Variants in INAVA observed in about 807,000 individuals in gnomAD.
INAVA encodes the protein innate immunity activator protein.
Under a neutral mutation model 55.3 loss-of-function variants are expected in INAVA, and 32 were observed. That is an observed-to-expected ratio of 0.58 (90% CI 0.44 to 0.78). The LOEUF is 0.78. Ranked by LOEUF, INAVA falls within the 30% of genes least tolerant of loss-of-function variation. The pLI is 0.00. For missense variants in INAVA, 756 were observed against 786.4 expected (o/e 0.96, Z 0.46); for synonymous variants, 294 against 329.4 (o/e 0.89, Z 1.16).
At chr1:200,891,599 C>A (rs181707288), upstream of INAVA, 1 of 1,567,682 alleles carries the variant, frequency 6.4e-7, no homozygotes, top group Non-Finnish European at 8.6e-7. Flanking sequence ...CGCAGGGAGG[C>A]TCGGGGGGAG....
At position 200,908,866 on chromosome 1, in the gene INAVA, C is replaced by A. The variant is rs750344958; in HGVS notation, c.711C>A (p.Ser237Arg). The part of the protein sequence containing the change: ...GSPERAPVQN[S>R]PWKETSLDHP... ...CAGAACGGGCTCCAGTCCAGAACAGCCCCTGGAAGGAAACCAGCCTGGACC... is the reference window on the plus strand; with the variant it reads ...CAGAACGGGCTCCAGTCCAGAACAGACCCTGGAAGGAAACCAGCCTGGACC... The change falls in exon 7 of 10, where the codon AGC becomes AGA. Residue 237 changes from serine (S) to arginine (R), a missense_variant. Around this residue, in one of 2 missense-constraint regions of INAVA, gnomAD observed 639 missense variants for 624.3 expected, o/e 1.02. Transcript: ENST00000413687. 7 of 1,614,034 alleles carry A rather than the reference C, an allele frequency of 4.3e-6. No homozygotes were observed. Among genetic ancestry groups the A allele is most frequent in the Non-Finnish European group, 5.9e-6 (7 of 1,179,990 alleles).
At chr1:200,899,183 T>G (rs1571861212) in intron 2 of INAVA, among the ~76,000 whole-genome samples, 3 of 145,152 alleles carry the variant, frequency 2.1e-5, no homozygotes, top group Admixed American at 6.9e-5. Context: ...GGAGGAGGAG[T>G]GGGGGGAGGA....
intron 6 of INAVA, among the ~76,000 whole-genome samples, chr1:200,908,325 G>A (rs2102312829): frequency 6.6e-6 from 1 of 152,328 alleles, no homozygotes; most frequent in Non-Finnish European, 1.5e-5. Flanking sequence ...GGTCAAGGTG[G>A]ATCGAGAAGC....
chr1:200,909,080 G>A (rs1272258839), intron 7 of INAVA, 140 bp downstream of exon 7: 2 of 1,297,648 alleles, frequency 1.5e-6, no homozygotes, highest in African/African-American at 1.5e-5. Context: ...ATGGAGGTGT[G>A]AGCCTTGATA....
intron 8 of INAVA, among the ~76,000 whole-genome samples, chr1:200,911,084 A>AAAAAAAGTAGTTAATGTAGTACTTT (rs1653695560): frequency 1.8e-5 from 1 of 55,336 alleles, no homozygotes; most frequent in Non-Finnish European, 5.4e-5. Flanking sequence ...GTAGTACTTT[A>AAAAAAAGTAGTTAATGTAGTACTTT]AAAAAAGTAC....
chr1:200,908,961 A>AGAAGG (rs1361722217), intron 7 of INAVA, 21 bp downstream of exon 7: 5 of 1,606,710 alleles, frequency 3.1e-6, no homozygotes, highest in Non-Finnish European at 4.2e-6. Context: ...GGGGGAAGGG[A>AGAAGG]GAAGGGCAGG....
Position 200,909,355 on chromosome 1 carries a change from C to CA in INAVA, c.917_918insA (p.Glu308Ter). ...CAGGGCCGCACCAGTGCCCCAGCCA[C>CA]CCCTGAGATACAGGGGAGGAGGGGC... On this transcript the variant is annotated frameshift_variant, in exon 8 of 10. Coordinates refer to ENST00000413687, the MANE Select transcript of INAVA (RefSeq NM_001142569.3). LOFTEE classifies it high-confidence loss of function. 1 of 1,609,830 alleles carries CA rather than the reference C, an allele frequency of 6.2e-7. No homozygotes were observed. Among genetic ancestry groups the CA allele is most frequent in the Non-Finnish European group, 8.5e-7 (1 of 1,177,780 alleles).
At position 200,900,072 on chromosome 1, in the gene INAVA, G is replaced by A. The variant is rs1653172255; in HGVS notation, c.181-32G>A. 2.5e-6 allele frequency: 4 copies of A among 1,570,422 alleles called. No individual in the cohort carries two copies. The African/African-American group carries it at 4.1e-5, about 16-fold the overall frequency. The stretch of plus-strand genomic sequence containing the variant: ...AGTGAGCCAAGTCTGGGCAGGTGGA[G>A]AGGACCTGGCTGGTCTCTGCTTCCT... On this transcript the variant is annotated intron_variant, in intron 3 of 9. Transcript: ENST00000413687.
chr1:200,905,787 G>A (rs1302012876), intron 5 of INAVA, among the ~76,000 whole-genome samples: 1 of 152,252 alleles, frequency 6.6e-6, no homozygotes. Flanking sequence ...GCCATAGTTT[G>A]CTAACCTCTG....
At chr1:200,893,159 G>A (rs959222415), upstream of INAVA, among the ~76,000 whole-genome samples, 2 of 152,138 alleles carry the variant, frequency 1.3e-5, no homozygotes, top group African/African-American at 4.8e-5. Context: ...GCCATTAATA[G>A]AATTCATAGT....
chr1:200,898,413 G>C lies in INAVA; in HGVS notation c.13G>C (p.Asp5His). 1 of 1,614,026 alleles carries C rather than the reference G, an allele frequency of 6.2e-7. No homozygotes were observed. The highest frequency in any genetic ancestry group is 8.5e-7 in the Non-Finnish European group (1 of 1,180,000). MESK[D>H]EVSDTDSGII... ...CCAGAAATCCACCATGGAGAGTAAG[G>C]ATGAGGTCAGCGACACCGACAGTGG... Residue 5 changes from aspartate (D) to histidine (H), a missense_variant, in exon 2 of 10, where the codon GAT (aspartate) becomes CAT (histidine). Physicochemically the swap from Asp to His is moderately conservative, Grantham distance 81 (BLOSUM62 -1). Around this residue, in one of 2 missense-constraint regions of INAVA, gnomAD observed 639 missense variants for 624.3 expected, o/e 1.02. Transcript: ENST00000413687.
upstream of INAVA, among the ~76,000 whole-genome samples, chr1:200,893,816 A>G (rs1406822348): frequency 6.6e-6 from 1 of 152,130 alleles, no homozygotes. Context: ...TGGTGAAAGC[A>G]AACTTCCTCT....
At chr1:200,906,384 T>A (rs2102311038) in intron 5 of INAVA, 1 of 152,132 alleles carries the variant, frequency 6.6e-6, no homozygotes, top group South Asian at 2.1e-4. Flanking sequence ...CCAGGCATAG[T>A]GGTGTGTGCC....
intron 2 of INAVA, 48 bp downstream of exon 2, chr1:200,898,503 C>T (rs1354152924): frequency 6.3e-7 from 1 of 1,597,428 alleles, no homozygotes; most frequent in Non-Finnish European, 8.5e-7. Context: ...GTCCCTGGTC[C>T]CTGGTCCCTG....
At chr1:200,908,482 G>A in intron 6 of INAVA, 1 of 421,550 alleles carries the variant, frequency 2.4e-6, no homozygotes, top group Non-Finnish European at 4.2e-6. Flanking sequence ...AGCACTGTAA[G>A]CCCAAGAGAG....
chr1:200,902,958 G>A (rs1653328101), intron 5 of INAVA: 1 of 152,248 alleles, frequency 6.6e-6, no homozygotes, highest in Non-Finnish European at 1.5e-5. Flanking sequence ...CCTCAGTACA[G>A]GTGAAGACAG....
chr1:200,904,291 A>G (rs1267050954), intron 5 of INAVA, among the ~76,000 whole-genome samples: 2 of 151,962 alleles, frequency 1.3e-5, no homozygotes, highest in East Asian at 1.9e-4. Flanking sequence ...GTTTCACCAA[A>G]TTGTCCAAGC....
At chr1:200,891,904 G>A (rs1668246445), upstream of INAVA, among the ~76,000 whole-genome samples, 1 of 152,168 alleles carries the variant, frequency 6.6e-6, no homozygotes, top group South Asian at 2.1e-4. Flanking sequence ...CTTCGTGCCT[G>A]TGGATCTTCC....
At chr1:200,901,258 G>A in intron 5 of INAVA, 99 bp downstream of exon 5, 1 of 1,170,776 alleles carries the variant, frequency 8.5e-7, no homozygotes, top group Non-Finnish European at 1.2e-6. Context: ...TTTGGCTCCA[G>A]CTGGGTAAAG....
Sources: allele counts gnomAD v4.1 joint callset (sites outside exome capture counted in the v4.1 genomes callset), GRCh38; gene constraint gnomAD v4.1.1; regional missense constraint gnomAD v4.1.1; transcripts MANE v1.5; gene names NCBI Gene and HGNC (gene_info 2026-07-23, HGNC 2026-07-21).